Variants in GPT2 observed in about 807,000 individuals in gnomAD.
The protein encoded by GPT2 is alanine aminotransferase 2.
A neutral mutation model predicts 56.9 loss-of-function variants in GPT2; 30 were observed. The ratio of observed to expected loss-of-function variants is 0.53; its 90% CI spans 0.39 to 0.72. GPT2 has a LOEUF of 0.72. Among genes scored for constraint, GPT2 ranks in the 30% least tolerant of loss-of-function variants. GPT2 has a pLI of 0.00. For synonymous variants in GPT2, 271 were observed against 283.1 expected (o/e 0.96, Z 0.43); for missense variants, 542 against 703.4 (o/e 0.77, Z 2.60).
intron 6 of GPT2, among the ~76,000 whole-genome samples, chr16:46,913,195 G>A (rs1961078818): frequency 6.6e-6 from 1 of 152,212 alleles, no homozygotes; most frequent in Non-Finnish European, 1.5e-5. Flanking sequence ...GTGTGTAACA[G>A]CAGTATTATT....
chr16:46,916,343 C>T (rs909341652), intron 6 of GPT2: 1 of 242,262 alleles, frequency 4.1e-6, no homozygotes, highest in African/African-American at 2.2e-5. Context: ...GAGACTCCGT[C>T]TCAAAAAAAT....
chr16:46,889,406 T>TGCCACCATGCTG (rs1960546171), intron 2 of GPT2, among the ~76,000 whole-genome samples: 1 of 152,016 alleles, frequency 6.6e-6, no homozygotes, highest in South Asian at 2.1e-4. Context: ...TACAGGTGTG[T>TGCCACCATGCTG]GCCACCATGC....
rs564733090 is a variant in GPT2 at position 46,931,250 on chromosome 16, C to G, written c.*2253C>G. The G allele has an allele frequency of 1.3e-5, 2 of 152,266 alleles. No homozygotes were observed. Among genetic ancestry groups the G allele is most frequent in the African/African-American group, 4.8e-5 (2 of 41,544 alleles). The allele number at this position is 152,266 out of a possible 1,614,324, so 9.4% of individuals were successfully genotyped here. On this transcript the variant is annotated 3_prime_UTR_variant, in exon 12 of 12. Transcript: ENST00000340124. ...CTGACAGAGGTACTTAACAATGGCT[C>G]TGCTGGAAATTTCTATAAATAAAAT...
chr16:46,906,600 G>A (rs1960931501), intron 4 of GPT2, among the ~76,000 whole-genome samples: 1 of 152,162 alleles, frequency 6.6e-6, no homozygotes, highest in Non-Finnish European at 1.5e-5. Context: ...GGGTGAGTGA[G>A]TGGATGAGTG....
chr16:46,930,912 A>G lies in GPT2; in HGVS notation c.*1915A>G, dbSNP rs1961531947. 6.5e-6 allele frequency: 1 copy of G among 152,682 alleles called. No individual in the cohort carries two copies. The highest frequency in any genetic ancestry group is 2.1e-4 in the South Asian group (1 of 4,834). 9.5% of individuals were successfully genotyped at this position (152,682 alleles called of 1,614,324 possible). A position where few individuals can be genotyped will look rare whatever the true frequency, so the allele number is the denominator to read the frequency against. On this transcript the variant is annotated 3_prime_UTR_variant, in exon 12 of 12. Transcript: ENST00000340124. ...TCTAGGAGGTTAACGTCGGGTAGGA[A>G]TGCTGATCATGATAGGTTTGGTTTT...
intron 6 of GPT2, among the ~76,000 whole-genome samples, chr16:46,914,739 G>A (rs186233679): frequency 9.9e-5 from 15 of 152,244 alleles, no homozygotes; most frequent in Admixed American, 2.6e-4. Flanking sequence ...GACGATGAGC[G>A]GGGAGAGGCC....
At chr16:46,926,618 G>A (rs147046901) in intron 10 of GPT2, among the ~76,000 whole-genome samples, 1 of 152,324 alleles carries the variant, frequency 6.6e-6, no homozygotes, top group African/African-American at 2.4e-5. Context: ...AGAGGATTAT[G>A]CAGCTTGACC....
At chr16:46,922,172 G>T (rs1313476409) in intron 8 of GPT2, 70 bp from the exon 9 acceptor site, 1 of 1,485,470 alleles carries the variant, frequency 6.7e-7, no homozygotes, top group Non-Finnish European at 9.3e-7. Context: ...TTCGATTCTG[G>T]CTGTCCAAAT....
At chr16:46,893,509 C>T (rs1960623500) in intron 2 of GPT2, among the ~76,000 whole-genome samples, 1 of 152,226 alleles carries the variant, frequency 6.6e-6, no homozygotes, top group Non-Finnish European at 1.5e-5. Flanking sequence ...GACGGTGTTC[C>T]CTTCCGTGGG....
chr16:46,895,632 C>T (rs1960672043), intron 2 of GPT2, among the ~76,000 whole-genome samples: 1 of 152,212 alleles, frequency 6.6e-6, no homozygotes, highest in South Asian at 2.1e-4. Context: ...AAGTGTGATA[C>T]TCCCACTTCA....
At chr16:46,885,645 T>G in intron 2 of GPT2, 1 of 592,276 alleles carries the variant, frequency 1.7e-6, no homozygotes, top group Non-Finnish European at 2.1e-6. Context: ...TTCATCTTGG[T>G]GGTCGGCCGG....
intron 2 of GPT2, chr16:46,885,575 G>C: frequency 7.1e-6 from 7 of 984,102 alleles, no homozygotes; most frequent in Non-Finnish European, 8.4e-6. Flanking sequence ...GACAGTCACC[G>C]AGGTGGGGAA....
intron 2 of GPT2, chr16:46,885,623 C>G: frequency 1.2e-6 from 1 of 809,274 alleles, no homozygotes; most frequent in Non-Finnish European, 1.5e-6. Context: ...GTAAGGGGGC[C>G]CTGGGACTTT....
At chr16:46,922,777 A>T (rs957407957) in intron 9 of GPT2, among the ~76,000 whole-genome samples, 1 of 151,458 alleles carries the variant, frequency 6.6e-6, no homozygotes, top group Admixed American at 6.6e-5. Context: ...CCAGGCCCCC[A>T]CCCGCCTCTG....
rs947373957 is a variant in GPT2 at position 46,884,472 on chromosome 16, G to T, written c.-23+5G>T. The T allele has an allele frequency of 2.7e-6, 1 of 368,692 alleles. No homozygotes were observed. Among genetic ancestry groups the T allele is most frequent in the Non-Finnish European group, 4.7e-6 (1 of 211,330 alleles). The allele number at this position is 368,692 out of a possible 1,614,324, so 22.8% of individuals were successfully genotyped here. On this transcript the variant is annotated splice_donor_5th_base_variant and intron_variant, in intron 1 of 11. Coordinates refer to ENST00000340124, the MANE Select transcript of GPT2 (RefSeq NM_133443.4). ...AGGGCCTACCAGGGGCGACAGGCAC[G>T]TTGCATGCATGCCTTGGGCGCAGCC...
intron 3 of GPT2, among the ~76,000 whole-genome samples, chr16:46,899,035 A>ATAT (rs1567335287): frequency 2.6e-5 from 2 of 77,226 alleles, no homozygotes; most frequent in African/African-American, 9.0e-5. Context: ...ATATATATAT[A>ATAT]TTTTTTTTTT....
chr16:46,919,378 G>C (rs1198854250), intron 8 of GPT2, among the ~76,000 whole-genome samples: 3 of 152,174 alleles, frequency 2.0e-5, no homozygotes, highest in African/African-American at 7.2e-5. Context: ...GTAGGGGTGG[G>C]GTCGAAGGCT....
intron 3 of GPT2, among the ~76,000 whole-genome samples, chr16:46,899,037 T>TA (rs1960762916): frequency 7.4e-5 from 5 of 67,850 alleles, no homozygotes; most frequent in African/African-American, 5.1e-4. Flanking sequence ...ATATATATAT[T>TA]TTTTTTTTTT....
intron 3 of GPT2, 26 bp from the exon 4 acceptor site, chr16:46,900,656 G>C (rs975544068): frequency 5.1e-6 from 8 of 1,580,342 alleles, no homozygotes; most frequent in Non-Finnish European, 7.0e-6. Flanking sequence ...GGTGCTGGGA[G>C]CTCAGCCTGT....
Sources: gnomAD v4.1 joint callset for allele counts (sites outside exome capture counted in the v4.1 genomes callset) on GRCh38, gnomAD v4.1.1 for gene constraint, MANE v1.5 for transcripts, NCBI Gene and HGNC (gene_info 2026-07-23, HGNC 2026-07-21) for gene names.